Variants in MCUB observed in about 807,000 individuals in gnomAD.
MCUB encodes mitochondrial calcium uniporter dominant negative subunit beta.
Under a neutral mutation model 41.4 loss-of-function variants are expected in MCUB, and 46 were observed. The ratio of observed to expected loss-of-function variants is 1.11; its 90% CI spans 0.88 to 1.42. MCUB has a LOEUF of 1.42. Ranked by LOEUF, MCUB falls within the 40% of genes most tolerant of loss-of-function variation. The probability of loss-of-function intolerance (pLI) is 0.00; values close to 1 mark genes in which losing one functional copy is unlikely to be tolerated. For missense variants in MCUB, 403 were observed against 404.9 expected, an observed-to-expected ratio of 1.00 and a Z score of 0.04; for synonymous variants, 148 against 148.2, an observed-to-expected ratio of 1.00 and a Z score of 0.01.
chr4:109,642,276 A>G (rs1354375054), intron 1 of MCUB, among the ~76,000 whole-genome samples: 1 of 152,210 alleles, frequency 6.6e-6, no homozygotes. Context: ...ATTTAATGAT[A>G]TCTGTGGAAT....
intron 1 of MCUB, among the ~76,000 whole-genome samples, chr4:109,611,013 G>A (rs941068588): frequency 2.0e-5 from 3 of 152,164 alleles, no homozygotes; most frequent in Non-Finnish European, 4.4e-5. Context: ...AGAGAATAAT[G>A]TATTTTCTCT....
At position 109,560,314 on chromosome 4, in the gene MCUB, G is replaced by C; in HGVS notation, c.-24G>C. 1 of 1,197,098 alleles carries C rather than the reference G, an allele frequency of 8.4e-7. No individual in the cohort carries two copies. Among genetic ancestry groups the C allele is most frequent in the South Asian group, 3.4e-5 (1 of 29,298 alleles). 74.2% of individuals were successfully genotyped at this position (1,197,098 alleles called of 1,614,324 possible). On this transcript the variant is annotated 5_prime_UTR_variant, in exon 1 of 8. Coordinates refer to ENST00000394650, the MANE Select transcript of MCUB (RefSeq NM_017918.5). The stretch of plus-strand genomic sequence containing the variant: ...GAGGATGCGCCGCTGACGCCTGCGG[G>C]AGCCGCGCGCCTGGGGCGGGAGGAT...
At position 109,684,463 on chromosome 4, in the gene MCUB, T is replaced by G. The variant is rs1274197577; in HGVS notation, c.633T>G (p.Ala211=). Residue 211 remains alanine (A), a synonymous_variant, in exon 6 of 8, where the codon GCT becomes GCG. Transcript: ENST00000394650. ...CTCAGGTGAAAGCTGGAATAGAAGC[T>G]CATTCGGAAGCCAAAACCAGTGGAC... ...PLEQVKAGIE[A]HSEAKTSGLL... is the part of the protein sequence containing the mutation. 7 of 1,611,974 alleles carry G rather than the reference T, an allele frequency of 4.3e-6. No individual in the cohort carries two copies. Among genetic ancestry groups the G allele is most frequent in the Non-Finnish European group, 5.9e-6 (7 of 1,179,236 alleles).
intron 1 of MCUB, among the ~76,000 whole-genome samples, chr4:109,636,798 G>A (rs1054605049): frequency 8.5e-5 from 13 of 152,152 alleles, no homozygotes; most frequent in East Asian, 5.8e-4. Context: ...TCGTGCCACC[G>A]CACTCCAGCC....
chr4:109,567,913 G>A (rs546046918), intron 1 of MCUB, among the ~76,000 whole-genome samples: 2 of 152,138 alleles, frequency 1.3e-5, no homozygotes, highest in South Asian at 2.1e-4. Context: ...TGGTCAGGCT[G>A]GTCTTGAACT....
At chr4:109,638,184 C>T (rs753209824) in intron 1 of MCUB, among the ~76,000 whole-genome samples, 1 of 151,982 alleles carries the variant, frequency 6.6e-6, no homozygotes, top group African/African-American at 2.4e-5. Context: ...GGTGAAACCC[C>T]ATGTCTACAA....
intron 1 of MCUB, among the ~76,000 whole-genome samples, chr4:109,574,596 A>C (rs1726988358): frequency 6.6e-6 from 1 of 152,244 alleles, no homozygotes. Context: ...GCCAGTCAGC[A>C]AAGGAAAAAT....
At chr4:109,672,045 A>G (rs574669778) in intron 4 of MCUB, among the ~76,000 whole-genome samples, 1 of 152,070 alleles carries the variant, frequency 6.6e-6, no homozygotes, top group East Asian at 1.9e-4. Flanking sequence ...TAAGATATTG[A>G]GGAGAGGAAT....
intron 1 of MCUB, among the ~76,000 whole-genome samples, chr4:109,591,980 G>A (rs983604839): frequency 6.6e-5 from 10 of 152,096 alleles, no homozygotes; most frequent in Non-Finnish European, 1.0e-4. Context: ...GATTACAGGC[G>A]TGAGCCACGA....
At chr4:109,650,780 C>T (rs1728944060) in intron 1 of MCUB, among the ~76,000 whole-genome samples, 1 of 152,160 alleles carries the variant, frequency 6.6e-6, no homozygotes, top group African/African-American at 2.4e-5. Flanking sequence ...TTCAGAATCA[C>T]AGTTTAATTT....
At position 109,591,046 on chromosome 4, in the gene MCUB, CTCGTTGGAAAT is replaced by C. The variant is rs1426417349; in HGVS notation, c.99+30613_99+30623del. Among the ~76,000 whole-genome samples the C allele has an allele frequency of 3.3e-5, 5 of 152,244 alleles. No individual in the cohort carries two copies. The East Asian group carries it at 9.6e-4, about 29-fold the overall frequency. ...TAAATCTCCTCTCAATACATTGAAA[CTCGTTGGAAAT>C]TCTTTCAGTTTTATCTTAAAGAAAT... On this transcript the variant is annotated intron_variant, in intron 1 of 7. Transcript: ENST00000394650.
chr4:109,583,704 A>G (rs1488599339), intron 1 of MCUB, among the ~76,000 whole-genome samples: 1 of 152,180 alleles, frequency 6.6e-6, no homozygotes, highest in Non-Finnish European at 1.5e-5. Flanking sequence ...TGGGTTTGTC[A>G]TAAATAGCTC....
chr4:109,616,536 T>G (rs1728131897), intron 1 of MCUB, among the ~76,000 whole-genome samples: 1 of 152,190 alleles, frequency 6.6e-6, no homozygotes, highest in Admixed American at 6.5e-5. Flanking sequence ...CCCAGCTCTA[T>G]TTTGCTTTTA....
chr4:109,664,023 A>G (rs1003881855), intron 3 of MCUB, among the ~76,000 whole-genome samples: 1 of 152,208 alleles, frequency 6.6e-6, no homozygotes, highest in Admixed American at 6.5e-5. Flanking sequence ...AGTTTCACCA[A>G]GGGCACTACC....
intron 1 of MCUB, among the ~76,000 whole-genome samples, chr4:109,592,704 T>C (rs1026395793): frequency 2.0e-5 from 3 of 152,242 alleles, no homozygotes; most frequent in Non-Finnish European, 4.4e-5. Flanking sequence ...TCTAGTTCCA[T>C]ACTTGTTTAT....
chr4:109,670,672 T>C lies in MCUB; in HGVS notation c.451+6278T>C, dbSNP rs185239435. ...CGGAAGCTGCAGTGAGCCAAGATCA[T>C]GTCATTGCACTCCAGCCTGGGCAAC... On this transcript the variant is annotated intron_variant, in intron 4 of 7. Transcript: ENST00000394650. 7.1e-4 allele frequency among the ~76,000 whole-genome samples: 107 copies of C among 151,458 alleles called. No homozygotes were observed. In the Middle Eastern group the frequency reaches 0.01, roughly 15 times the overall value.
chr4:109,669,046 G>A lies in MCUB; in HGVS notation c.451+4652G>A, dbSNP rs551247347. ...AGTGTTAGCATTATTCTTTTGAACC[G>A]ACTGTTATCTAGTAGATCAATTAAG... is the stretch of plus-strand genomic sequence containing the variant. On this transcript the variant is annotated intron_variant, in intron 4 of 7. Transcript: ENST00000394650. Among the ~76,000 whole-genome samples the A allele has an allele frequency of 2.0e-4, 30 of 152,042 alleles. No homozygotes were observed. In the South Asian group the frequency reaches 2.1e-3, roughly 11 times the overall value.
intron 1 of MCUB, among the ~76,000 whole-genome samples, chr4:109,567,558 C>T (rs1726811555): frequency 6.9e-6 from 1 of 144,940 alleles, no homozygotes; most frequent in Non-Finnish European, 1.5e-5. Context: ...CCTGTAATCC[C>T]ACCACCAAGG....
At chr4:109,677,687 G>T (rs189060522) in intron 4 of MCUB, among the ~76,000 whole-genome samples, 6 of 151,686 alleles carry the variant, frequency 4.0e-5, no homozygotes, top group Non-Finnish European at 8.8e-5. Context: ...TCTCACCCAC[G>T]TAATGCTTTC....
Sources: gnomAD v4.1 joint callset for allele counts (sites outside exome capture counted in the v4.1 genomes callset) on GRCh38, gnomAD v4.1.1 for gene constraint, MANE v1.5 for transcripts, NCBI Gene and HGNC (gene_info 2026-07-23, HGNC 2026-07-21) for gene names.